The following FA2H variants were observed in gnomAD, a reference collection of about 807,000 sequenced individuals.
FA2H encodes the protein fatty acid 2-hydroxylase, also known as fatty acid alpha-hydroxylase.
FA2H carries 22 observed loss-of-function variants against 44.9 expected under a neutral mutation model. The observed-to-expected ratio is 0.49, with a 90% CI of 0.35 to 0.70. The LOEUF is 0.70. Ranked by LOEUF, FA2H falls within the 30% of genes least tolerant of loss-of-function variation. The pLI is 0.01. For missense variants in FA2H, 501 were observed against 504.9 expected (o/e 0.99, Z 0.07); for synonymous variants, 243 against 213.2 (o/e 1.14, Z -1.22).
chr16:74,767,417 G>A (rs1962830031), intron 1 of FA2H, among the ~76,000 whole-genome samples: 1 of 152,232 alleles, frequency 6.6e-6, no homozygotes, highest in Admixed American at 6.5e-5. Flanking sequence ...TCTGGATGGT[G>A]TGTGAGCCAC....
At chr16:74,742,603 G>A (rs1036528206) in intron 1 of FA2H, among the ~76,000 whole-genome samples, 2 of 152,226 alleles carry the variant, frequency 1.3e-5, no homozygotes, top group African/African-American at 2.4e-5. Flanking sequence ...GGAGGCTGAG[G>A]TGGGAGGATT....
chr16:74,760,853 T>G (rs571454235), intron 1 of FA2H, among the ~76,000 whole-genome samples: 1 of 152,168 alleles, frequency 6.6e-6, no homozygotes, highest in Non-Finnish European at 1.5e-5. Flanking sequence ...TGAGTATGCA[T>G]TGAAAATACT....
intron 2 of FA2H, 81 bp downstream of exon 2, chr16:74,739,942 G>T: frequency 1.8e-6 from 2 of 1,081,360 alleles, no homozygotes; most frequent in Non-Finnish European, 2.9e-6. Flanking sequence ...CCCACTCCCA[G>T]CTTTGGCTCC....
chr16:74,746,014 C>A (rs2144642165), intron 1 of FA2H, among the ~76,000 whole-genome samples: 1 of 152,136 alleles, frequency 6.6e-6, no homozygotes, highest in Non-Finnish European at 1.5e-5. Context: ...ACCGTGTTGC[C>A]CAGGCTGGTT....
intron 4 of FA2H, among the ~76,000 whole-genome samples, chr16:74,719,611 T>A (rs1045400098): frequency 6.6e-6 from 1 of 152,134 alleles, no homozygotes; most frequent in East Asian, 1.9e-4. Flanking sequence ...GATTACAGCT[T>A]ACTGCAGCCT....
rs139948218 is a variant in FA2H, at chr16:74,761,328, C to T, written c.270+13158G>A. Among the ~76,000 whole-genome samples the T allele has an allele frequency of 1.6e-3, 248 of 152,132 alleles. 1 individual carries two copies. The highest frequency in any genetic ancestry group is 3.5e-3 in the Admixed American group (53 of 15,272). ...ATTAGCCGGGCATGGCGGCATACAC[C>T]TGTAATCCCAGCTACTCGGGAGGCT... On this transcript the variant is annotated intron_variant, in intron 1 of 6. Coordinates refer to ENST00000219368, the MANE Select transcript of FA2H (RefSeq NM_024306.5).
chr16:74,721,273 T>A (rs1961832444), intron 4 of FA2H, among the ~76,000 whole-genome samples: 1 of 152,132 alleles, frequency 6.6e-6, no homozygotes, highest in South Asian at 2.1e-4. Flanking sequence ...GTTCAAGTGA[T>A]TCTCCTGCCT....
intron 4 of FA2H, among the ~76,000 whole-genome samples, chr16:74,723,810 T>TA (rs1417818486): frequency 2.0e-5 from 3 of 152,190 alleles, no homozygotes; most frequent in Admixed American, 6.5e-5. Context: ...GGAAACACCC[T>TA]ACCCATCTTG....
At chr16:74,772,508 G>A (rs1477550557) in intron 1 of FA2H, among the ~76,000 whole-genome samples, 3 of 152,200 alleles carry the variant, frequency 2.0e-5, no homozygotes, top group African/African-American at 7.2e-5. Flanking sequence ...CCAGCACAGT[G>A]CTGTCAACCC....
chr16:74,724,937 TC>T (rs1470484587), intron 4 of FA2H, among the ~76,000 whole-genome samples: 1 of 152,178 alleles, frequency 6.6e-6, no homozygotes, highest in African/African-American at 2.4e-5. Context: ...GGCCAAAGCT[TC>T]AGCATCCCCT....
rs531152026 is a variant in FA2H, at chr16:74,767,870, G to T, written c.270+6616C>A. ...AAAAGGGTATGGCATCCAGCAGCCA[G>T]GTGAAGAAAGTGTACTGGAGGGGAG... On this transcript the variant is annotated intron_variant, in intron 1 of 6. Coordinates refer to ENST00000219368, the MANE Select transcript of FA2H (RefSeq NM_024306.5). Among the ~76,000 whole-genome samples the T allele has an allele frequency of 1.1e-4, 17 of 152,344 alleles. No individual in the cohort carries two copies. The South Asian group carries it at 2.9e-3, about 26-fold the overall frequency.
chr16:74,739,916 C>T, intron 2 of FA2H, 107 bp downstream of exon 2: 1 of 873,378 alleles, frequency 1.1e-6, no homozygotes, highest in Non-Finnish European at 2.0e-6. Context: ...CCCTTCTCCC[C>T]TGGGCACACG....
chr16:74,763,689 C>A (rs9927366), intron 1 of FA2H, among the ~76,000 whole-genome samples: 12,429 of 149,352 alleles, frequency 0.083, 795 homozygotes, highest in East Asian at 0.33. Context: ...CAAGAGAACA[C>A]AGAGAACTAG....
chr16:74,740,676 C>A (rs1962278777), intron 1 of FA2H, among the ~76,000 whole-genome samples: 2 of 142,872 alleles, frequency 1.4e-5, no homozygotes. Flanking sequence ...AATAAAATTT[C>A]TGCATAAATA....
intron 1 of FA2H, among the ~76,000 whole-genome samples, chr16:74,749,135 C>T (rs754216265): frequency 1.4e-4 from 22 of 152,176 alleles, no homozygotes; most frequent in Non-Finnish European, 2.9e-4. Flanking sequence ...CCCACCTCTG[C>T]GGCCCCCAGG....
At chr16:74,728,384 T>C (rs1024692190) in intron 2 of FA2H, among the ~76,000 whole-genome samples, 11 of 152,240 alleles carry the variant, frequency 7.2e-5, no homozygotes, top group Admixed American at 2.0e-4. Context: ...CTGGTACAAA[T>C]GCCCGGGTCA....
chr16:74,753,626 T>C (rs561090182), intron 1 of FA2H, among the ~76,000 whole-genome samples: 4 of 152,044 alleles, frequency 2.6e-5, no homozygotes, highest in Admixed American at 6.6e-5. Context: ...TGAGCTAAGA[T>C]TGCACCTCTG....
chr16:74,751,335 AC>A (rs1567646526), intron 1 of FA2H, among the ~76,000 whole-genome samples: 1 of 152,000 alleles, frequency 6.6e-6, no homozygotes, highest in Non-Finnish European at 1.5e-5. Flanking sequence ...ACCTCAGGCG[AC>A]CCACCCGCCT....
intron 1 of FA2H, among the ~76,000 whole-genome samples, chr16:74,755,524 G>C (rs1472970103): frequency 6.6e-6 from 1 of 152,146 alleles, no homozygotes; most frequent in African/African-American, 2.4e-5. Flanking sequence ...GTGATCCTTT[G>C]CTGCATATAA....
Sources: gnomAD v4.1 joint callset for allele counts (sites outside exome capture counted in the v4.1 genomes callset) on GRCh38, gnomAD v4.1.1 for gene constraint, MANE v1.5 for transcripts, NCBI Gene and HGNC (gene_info 2026-07-23, HGNC 2026-07-21) for gene names.